The following PTPN18 variants were observed in gnomAD, a reference collection of about 807,000 sequenced individuals.
PTPN18 encodes the protein protein tyrosine phosphatase non-receptor type 18.
Under a neutral mutation model 65.4 loss-of-function variants are expected in PTPN18, and 65 were observed. The ratio of observed to expected loss-of-function variants is 0.99; its 90% CI spans 0.81 to 1.22. The LOEUF is 1.22. Among genes scored for constraint, PTPN18 ranks in the 50% most tolerant of loss-of-function variants. PTPN18 has a pLI of 0.00. For synonymous variants in PTPN18, 255 were observed against 267.8 expected, an observed-to-expected ratio of 0.95 and a Z score of 0.47; for missense variants, 616 against 646.5, an observed-to-expected ratio of 0.95 and a Z score of 0.51.
At chr2:130,367,866 C>T (rs559508377) in intron 5 of PTPN18, among the ~76,000 whole-genome samples, 83 of 152,076 alleles carry the variant, frequency 5.5e-4, no homozygotes, top group Middle Eastern at 6.8e-3. Context: ...CTGTTATCCC[C>T]CTTTCTCCTT....
Position 130,358,851 on chromosome 2 carries a change from C to G in PTPN18, c.94-16C>G, listed in dbSNP as rs754669176. Reference sequence around the variant, plus strand: ...TGTCTTCTCCCCTCCCTGACCCACTCATAATGCTCTACCAGGACATCCAGG... The same window carrying G: ...TGTCTTCTCCCCTCCCTGACCCACTGATAATGCTCTACCAGGACATCCAGG... On this transcript the variant is annotated splice_polypyrimidine_tract_variant and intron_variant, in intron 1 of 14. Coordinates refer to ENST00000175756, the MANE Select transcript of PTPN18 (RefSeq NM_014369.4). The G allele has an allele frequency of 1.1e-5, 18 of 1,602,038 alleles. No homozygotes were observed. The highest frequency in any genetic ancestry group is 3.3e-4 in the Middle Eastern group (2 of 6,022).
intron 1 of PTPN18, chr2:130,356,588 CT>C: frequency 2.1e-6 from 1 of 482,514 alleles, no homozygotes; most frequent in Non-Finnish European, 4.3e-6. Flanking sequence ...TGACTGTCCC[CT>C]GTGACCACAG....
intron 11 of PTPN18, 35 bp from the exon 12 acceptor site, chr2:130,371,164 C>T (rs748579844): frequency 1.3e-6 from 2 of 1,543,052 alleles, no homozygotes; most frequent in South Asian, 1.1e-5. Context: ...GGCCAGCTTC[C>T]TCCCTCAGGA....
Position 130,369,844 on chromosome 2 carries a change from G to C in PTPN18, c.546+17G>C, listed in dbSNP as rs776319070. On this transcript the variant is annotated intron_variant, in intron 7 of 14. Coordinates refer to ENST00000175756, the MANE Select transcript of PTPN18 (RefSeq NM_014369.4). ...TTCCAGAAGGTACTGTGACAGGGGA[G>C]GAGGAGGTAAAGGGGCTCCTGAAAG... The C allele has an allele frequency of 3.2e-6, 5 of 1,582,226 alleles. No individual in the cohort carries two copies. In the African/African-American group the frequency reaches 6.7e-5, roughly 21 times the overall value.
intron 5 of PTPN18, among the ~76,000 whole-genome samples, chr2:130,361,384 C>T (rs1002240031): frequency 1.1e-4 from 16 of 152,170 alleles, no homozygotes; most frequent in Non-Finnish European, 1.9e-4. Flanking sequence ...AGTACATATA[C>T]ATTTAGGATT....
chr2:130,357,715 G>T (rs1680032429), intron 1 of PTPN18, among the ~76,000 whole-genome samples: 1 of 152,128 alleles, frequency 6.6e-6, no homozygotes, highest in African/African-American at 2.4e-5. Context: ...AATTAGCTGG[G>T]CGTGGTGGCG....
In PTPN18 at chr2:130,370,939, G is replaced by GC; in HGVS notation, c.904dup (p.His302ProfsTer51). 1 of 1,614,072 alleles carries GC rather than the reference G, an allele frequency of 6.2e-7. No individual in the cohort carries two copies. The highest frequency in any genetic ancestry group is 8.5e-7 in the Non-Finnish European group (1 of 1,180,002). ...TTCTGCTCCACACTCCAGAATGCCA[G>GC]CCCCCACTACCAGAACATCAAAGAG... On this transcript the variant is annotated frameshift_variant, in exon 11 of 15. Coordinates refer to ENST00000175756, the MANE Select transcript of PTPN18 (RefSeq NM_014369.4). LOFTEE classifies it high-confidence loss of function.
Position 130,372,384 on chromosome 2 carries a change from C to T in PTPN18, c.1141C>T (p.Arg381Cys), listed in dbSNP as rs1386338523. Reference sequence around the variant, plus strand: ...GGGGACGGGGACGGGGACGGGGGCGCGCAGCGCGGAGGAGGCGCCGCTCTA... The same window carrying T: ...GGGGACGGGGACGGGGACGGGGGCGTGCAGCGCGGAGGAGGCGCCGCTCTA... ...QTGTGTGTGA[R>C]SAEEAPLYSK... Residue 381 changes from arginine to cysteine, a missense_variant, in exon 13 of 15, where the codon CGC (arginine) becomes TGC (cysteine). Around this residue, in one of 3 missense-constraint regions of PTPN18, gnomAD observed 368 missense variants for 386.7 expected, o/e 0.95. Transcript: ENST00000175756. 1 of 1,365,612 alleles carries T rather than the reference C, an allele frequency of 7.3e-7. No homozygotes were observed. Among genetic ancestry groups the T allele is most frequent in the Non-Finnish European group, 9.4e-7 (1 of 1,064,964 alleles). The allele number at this position is 1,365,612 out of a possible 1,614,324, so 84.6% of individuals were successfully genotyped here.
At chr2:130,362,714 A>T (rs1680256352) in intron 5 of PTPN18, among the ~76,000 whole-genome samples, 1 of 152,226 alleles carries the variant, frequency 6.6e-6, no homozygotes, top group Non-Finnish European at 1.5e-5. Flanking sequence ...ATATCTTTTT[A>T]AACAGCTTTA....
rs1448650543 is a variant in PTPN18, at chr2:130,375,120, T to G, written c.*1896T>G. 3 of 179,800 alleles carry G rather than the reference T, an allele frequency of 1.7e-5. No individual in the cohort carries two copies. Among genetic ancestry groups the G allele is most frequent in the Non-Finnish European group, 3.5e-5 (3 of 84,592 alleles). The allele number at this position is 179,800 out of a possible 1,614,324, so 11.1% of individuals were successfully genotyped here. A position where few individuals can be genotyped will look rare whatever the true frequency, so the allele number is the denominator to read the frequency against. On this transcript the variant is annotated 3_prime_UTR_variant, in exon 15 of 15. Coordinates refer to ENST00000175756, the MANE Select transcript of PTPN18 (RefSeq NM_014369.4). ...CTGCCTCCCACTCTCCCAATGCCCC[T>G]GCCACTCCTGTGAGCCTGCTGCTGG...
chr2:130,370,851 C>G (rs761229832), intron 10 of PTPN18, 24 bp from the exon 11 acceptor site: 1 of 1,613,432 alleles, frequency 6.2e-7, no homozygotes, highest in South Asian at 1.1e-5. Flanking sequence ...GCCTTCCCTT[C>G]TTGATGGTCC....
intron 5 of PTPN18, among the ~76,000 whole-genome samples, chr2:130,365,611 G>A (rs1051291436): frequency 4.6e-5 from 7 of 152,188 alleles, no homozygotes; most frequent in African/African-American, 1.7e-4. Flanking sequence ...TTGTGTTGCT[G>A]TGCTTTTGGT....
rs754021544 is a variant in PTPN18, at chr2:130,359,644, C to T, written c.412C>T (p.Arg138Trp). 1.8e-5 allele frequency: 29 copies of T among 1,613,834 alleles called. No individual in the cohort carries two copies. Among genetic ancestry groups the T allele is most frequent in the South Asian group, 5.5e-5 (5 of 91,076 alleles). ...GGCCTGTCGAGAGATAGAGAATGGG[C>T]GGGTAGGTGCCCTCTGCCCCCAGGT... ...LMACREIENGRKRCERYWAQE... is the reference protein window; with the variant it reads ...LMACREIENGWKRCERYWAQE... The change falls in exon 5 of 15, where the codon CGG becomes TGG. Residue 138 changes from arginine to tryptophan, a missense_variant and splice_region_variant. Around this residue, in one of 3 missense-constraint regions of PTPN18, gnomAD observed 223 missense variants for 210.0 expected, o/e 1.06. Coordinates refer to ENST00000175756, the MANE Select transcript of PTPN18 (RefSeq NM_014369.4).
intron 7 of PTPN18, 30 bp downstream of exon 7, chr2:130,369,857 G>C (rs369671059): frequency 1.3e-6 from 2 of 1,564,694 alleles, no homozygotes; most frequent in Middle Eastern, 1.7e-4. Flanking sequence ...GGAGGTAAAG[G>C]GGCTCCTGAA....
intron 2 of PTPN18, 127 bp downstream of exon 2, chr2:130,359,102 GC>G (rs999764672): frequency 2.1e-6 from 3 of 1,450,884 alleles, no homozygotes; most frequent in Admixed American, 3.6e-5. Flanking sequence ...CTGCTCAGCA[GC>G]CCACAAGGGC....
intron 2 of PTPN18, 120 bp from the exon 3 acceptor site, chr2:130,359,113 C>T: frequency 6.8e-7 from 1 of 1,463,340 alleles, no homozygotes; most frequent in South Asian, 1.2e-5. Context: ...CCCACAAGGG[C>T]ACCTTGGTGG....
chr2:130,363,579 T>C (rs1219647121), intron 5 of PTPN18, among the ~76,000 whole-genome samples: 3 of 152,248 alleles, frequency 2.0e-5, no homozygotes, highest in Admixed American at 2.0e-4. Flanking sequence ...ACATTTCATA[T>C]AATTGAATCA....
Position 130,370,186 on chromosome 2 carries a change from T to C in PTPN18, c.685T>C (p.Cys229Arg). Residue 229 changes from cysteine to arginine, a missense_variant, in exon 8 of 15, where the codon TGC becomes CGC. Cys to Arg is a radical substitution (Grantham distance 180). Coordinates refer to ENST00000175756, the MANE Select transcript of PTPN18 (RefSeq NM_014369.4). Reference protein sequence around the residue: ...GSGPEPLCVHCSAGCGRTGVL... With the variant: ...GSGPEPLCVHRSAGCGRTGVL... ...TGGCCCTGAACCCCTCTGTGTCCAC[T>C]GCAGGTTTTGGAAATGGGCTTCAGG... is the stretch of plus-strand genomic sequence containing the variant. 3 of 1,611,008 alleles carry C rather than the reference T, an allele frequency of 1.9e-6. No homozygotes were observed. Among genetic ancestry groups the C allele is most frequent in the South Asian group, 1.1e-5 (1 of 91,086 alleles).
chr2:130,370,679 T>C (rs1248259684), intron 9 of PTPN18, 26 bp from the exon 10 acceptor site: 1 of 1,614,044 alleles, frequency 6.2e-7, no homozygotes, highest in East Asian at 2.2e-5. Flanking sequence ...CGTGTCCTGC[T>C]CAAGTGCCTT....
Sources: allele counts gnomAD v4.1 joint callset (sites outside exome capture counted in the v4.1 genomes callset), GRCh38; gene constraint gnomAD v4.1.1; regional missense constraint gnomAD v4.1.1; transcripts MANE v1.5; gene names NCBI Gene and HGNC (gene_info 2026-07-23, HGNC 2026-07-21).